The following CNTNAP5 variants were observed in gnomAD, a reference collection of about 807,000 sequenced individuals.
CNTNAP5 encodes contactin-associated protein-like 5.
In CNTNAP5, 72 loss-of-function variants were observed where a neutral mutation model predicts 150.2. The observed-to-expected ratio is 0.48, with a 90% confidence interval of 0.40 to 0.58. CNTNAP5 has a LOEUF of 0.58. Ranked by LOEUF, CNTNAP5 falls within the 20% of genes least tolerant of loss-of-function variation. CNTNAP5 has a pLI of 0.00. For missense variants in CNTNAP5, 1,636 were observed against 1,626.2 expected (o/e 1.01, Z -0.10); for synonymous variants, 672 against 619.8 (o/e 1.08, Z -1.25).
intron 1 of CNTNAP5, among the ~76,000 whole-genome samples, chr2:124,075,883 A>G (rs1442731358): frequency 2.6e-5 from 4 of 152,176 alleles, no homozygotes; most frequent in African/African-American, 9.7e-5. Context: ...CAAAATTCAT[A>G]TACCATAGTA....
At chr2:124,367,377 C>T (rs1573946426) in intron 3 of CNTNAP5, among the ~76,000 whole-genome samples, 1 of 152,140 alleles carries the variant, frequency 6.6e-6, no homozygotes, top group South Asian at 2.1e-4. Flanking sequence ...GCAAACATTT[C>T]CTTCTTCACA....
chr2:124,145,670 G>C (rs1424071953), intron 1 of CNTNAP5, among the ~76,000 whole-genome samples: 1 of 122,866 alleles, frequency 8.1e-6, no homozygotes, highest in African/African-American at 3.2e-5. Context: ...GGGAGGGATA[G>C]CATTGGGAGA....
At chr2:124,212,968 A>G (rs1159850117) in intron 1 of CNTNAP5, among the ~76,000 whole-genome samples, 2 of 150,222 alleles carry the variant, frequency 1.3e-5, no homozygotes, top group African/African-American at 4.9e-5. Flanking sequence ...CCTCCCGAGT[A>G]GCTGGGACTA....
At chr2:124,736,499 C>A (rs1162587061) in intron 13 of CNTNAP5, among the ~76,000 whole-genome samples, 1 of 152,118 alleles carries the variant, frequency 6.6e-6, no homozygotes, top group African/African-American at 2.4e-5. Flanking sequence ...AGAGTCTTGA[C>A]CATTGCAGAT....
intron 16 of CNTNAP5, 77 bp downstream of exon 16, chr2:124,764,224 A>C: frequency 8.8e-7 from 1 of 1,131,040 alleles, no homozygotes; most frequent in Non-Finnish European, 1.3e-6. Flanking sequence ...ACCAGTCACT[A>C]GTGGGCATTT....
chr2:124,179,305 A>G (rs1323769840), intron 1 of CNTNAP5, among the ~76,000 whole-genome samples: 1 of 152,006 alleles, frequency 6.6e-6, no homozygotes. Context: ...GATTACAGGC[A>G]TGTGCCACCA....
chr2:124,079,684 T>C (rs1682516534), intron 1 of CNTNAP5, among the ~76,000 whole-genome samples: 1 of 152,174 alleles, frequency 6.6e-6, no homozygotes, highest in Non-Finnish European at 1.5e-5. Flanking sequence ...AAAAAATGTT[T>C]ATTCATGTGT....
At chr2:124,753,788 T>G (rs1261589572) in intron 14 of CNTNAP5, among the ~76,000 whole-genome samples, 1 of 152,218 alleles carries the variant, frequency 6.6e-6, no homozygotes, top group Non-Finnish European at 1.5e-5. Flanking sequence ...ATTCCACAAT[T>G]TATACATATG....
chr2:124,599,110 C>G (rs550816213), intron 11 of CNTNAP5, among the ~76,000 whole-genome samples: 1 of 152,140 alleles, frequency 6.6e-6, no homozygotes, highest in Non-Finnish European at 1.5e-5. Context: ...TCTTCTGCGT[C>G]GCTCACGCTG....
intron 3 of CNTNAP5, among the ~76,000 whole-genome samples, chr2:124,341,537 C>G (rs193195996): frequency 2.9e-3 from 446 of 152,176 alleles, no homozygotes; most frequent in African/African-American, 9.6e-3. Context: ...ATTTCTGGGA[C>G]TAGGTTGGTC....
At chr2:124,356,430 T>C (rs1458608836) in intron 3 of CNTNAP5, among the ~76,000 whole-genome samples, 3 of 149,436 alleles carry the variant, frequency 2.0e-5, no homozygotes, top group African/African-American at 7.4e-5. Flanking sequence ...TAGCATTAGG[T>C]ATATCTCCCA....
chr2:124,295,128 CCAAACAAACAAA>C (rs57566535), intron 3 of CNTNAP5, among the ~76,000 whole-genome samples: 2 of 150,510 alleles, frequency 1.3e-5, no homozygotes, highest in African/African-American at 4.9e-5. Context: ...ACAACCACCA[CCAAACAAACAAA>C]CAAACAAACA....
At position 124,271,777 on chromosome 2, in the gene CNTNAP5, C is replaced by T. The variant is rs556750582; in HGVS notation, c.381+29384C>T. ...TTGCCCAGGCTGTAGTGCATTGGCA[C>T]GATCTCGGCTCACCGCAACCTCCAC... On this transcript the variant is annotated intron_variant, in intron 3 of 23. Transcript: ENST00000682447. 5.9e-5 allele frequency among the ~76,000 whole-genome samples: 9 copies of T among 152,088 alleles called. No individual in the cohort carries two copies. The South Asian group carries it at 1.0e-3, about 18-fold the overall frequency.
chr2:124,770,833 C>T (rs1681174211), intron 16 of CNTNAP5, among the ~76,000 whole-genome samples: 1 of 152,202 alleles, frequency 6.6e-6, no homozygotes, highest in South Asian at 2.1e-4. Flanking sequence ...GTGCCAGGCA[C>T]AGTTCTAATA....
At chr2:124,366,420 C>T (rs1353967934) in intron 3 of CNTNAP5, among the ~76,000 whole-genome samples, 1 of 152,140 alleles carries the variant, frequency 6.6e-6, no homozygotes, top group African/African-American at 2.4e-5. Flanking sequence ...AATAATTATA[C>T]CCAATTCCAA....
chr2:124,825,976 T>G (rs1682584416), intron 19 of CNTNAP5, among the ~76,000 whole-genome samples: 1 of 152,198 alleles, frequency 6.6e-6, no homozygotes, highest in Non-Finnish European at 1.5e-5. Flanking sequence ...GCTTACTTAA[T>G]AAAAGTAAAT....
At chr2:124,517,456 G>T (rs765194257) in intron 8 of CNTNAP5, among the ~76,000 whole-genome samples, 56 of 151,410 alleles carry the variant, frequency 3.7e-4, no homozygotes, top group Non-Finnish European at 6.5e-4. Context: ...GTAATGGAAG[G>T]TTGTGTTGTT....
rs72965818 is a variant in CNTNAP5, at chr2:124,918,688, A to G, written c.*4400A>G. Among the ~76,000 whole-genome samples, 4,745 of 152,146 alleles carry G rather than the reference A, an allele frequency of 0.031. 270 individuals carry two copies. The highest frequency in any genetic ancestry group is 0.11 in the African/African-American group (4,450 of 41,530). On this transcript the variant is annotated 3_prime_UTR_variant, in exon 24 of 24. Transcript: ENST00000682447. The stretch of plus-strand genomic sequence containing the variant: ...ACCTCATTGCAGCTGTAGCCTACCA[A>G]AAGGCCTTTGGGATACCTGTATGGT...
intron 1 of CNTNAP5, among the ~76,000 whole-genome samples, chr2:124,129,082 A>T (rs1414027351): frequency 6.6e-6 from 1 of 151,066 alleles, no homozygotes; most frequent in Non-Finnish European, 1.5e-5. Context: ...AATAAATAAA[A>T]AATACCCATC....
Sources: allele counts gnomAD v4.1 joint callset (sites outside exome capture counted in the v4.1 genomes callset), GRCh38; gene constraint gnomAD v4.1.1; transcripts MANE v1.5; gene names NCBI Gene and HGNC (gene_info 2026-07-23, HGNC 2026-07-21).